Variants in AFF2 observed in about 807,000 individuals in gnomAD.
AFF2 encodes AF4/FMR2 family member 2.
A neutral mutation model predicts 76.9 loss-of-function variants in AFF2; 14 were observed. The ratio of observed to expected loss-of-function variants is 0.18; its 90% CI spans 0.12 to 0.28. The LOEUF is 0.28. Ranked by LOEUF, AFF2 falls within the 10% of genes least tolerant of loss-of-function variation. AFF2 has a pLI of 1.00. For missense variants in AFF2, 868 were observed against 1,001.1 expected (o/e 0.87, Z 1.79); for synonymous variants, 398 against 366.7 (o/e 1.09, Z -0.98).
intron 7 of AFF2, among the ~76,000 whole-genome samples, chrX:148,884,742 G>A (rs1022170920): frequency 5.3e-5 from 6 of 112,377 alleles, no homozygotes; most frequent in Non-Finnish European, 9.4e-5. Flanking sequence ...GAGATTCAGT[G>A]GAAAGCTGTG....
In AFF2 at chrX:148,783,244, A is replaced by G. The variant is rs781967108; in HGVS notation, c.1042-26632A>G. The stretch of plus-strand genomic sequence containing the variant: ...TACACAAAAACAAAACACTTTGCCA[A>G]TGTGAAGCCTGAGCCATTTTCTCAG... On this transcript the variant is annotated intron_variant, in intron 3 of 20. Coordinates refer to ENST00000370460, the MANE Select transcript of AFF2 (RefSeq NM_002025.4). Among the ~76,000 whole-genome samples the G allele has an allele frequency of 7.1e-5, 8 of 111,988 alleles. No homozygotes were observed. In the East Asian group the frequency reaches 1.1e-3, roughly 16 times the overall value.
Position 148,795,594 on chromosome X carries a change from A to G in AFF2, c.1042-14282A>G, listed in dbSNP as rs187035224. 8.0e-3 allele frequency among the ~76,000 whole-genome samples: 835 copies of G among 104,332 alleles called. 11 individuals carry two copies. Among genetic ancestry groups the G allele is most frequent in the African/African-American group, 0.028 (801 of 28,776 alleles). The allele number at this position is 104,332 out of a possible 115,157, so 90.6% of individuals were successfully genotyped here. ...AAGGCTGGCAGATCACGAGGTCAGG[A>G]GATCAAGACCATGCTGGCTAACACG... is the stretch of plus-strand genomic sequence containing the variant. On this transcript the variant is annotated intron_variant, in intron 3 of 20. Coordinates refer to ENST00000370460, the MANE Select transcript of AFF2 (RefSeq NM_002025.4).
At chrX:148,727,784 G>A (rs1174739143) in intron 3 of AFF2, among the ~76,000 whole-genome samples, 1 of 112,103 alleles carries the variant, frequency 8.9e-6, no homozygotes, top group East Asian at 2.8e-4. Flanking sequence ...GCTTCAGCAT[G>A]GAAATTGTAC....
intron 1 of AFF2, among the ~76,000 whole-genome samples, chrX:148,502,000 A>G (rs1043695470): frequency 1.8e-5 from 2 of 112,056 alleles, no homozygotes; most frequent in Non-Finnish European, 3.8e-5. Flanking sequence ...GGGACCTGGA[A>G]AGTTGTTAAC....
At chrX:148,869,935 T>C (rs782117601) in intron 7 of AFF2, among the ~76,000 whole-genome samples, 1 of 111,323 alleles carries the variant, frequency 9.0e-6, no homozygotes, top group Non-Finnish European at 1.9e-5. Flanking sequence ...GGATTAGGGA[T>C]CACCGTAAGG....
chrX:148,839,235 C>T (rs2093790838), intron 5 of AFF2, among the ~76,000 whole-genome samples: 1 of 112,328 alleles, frequency 8.9e-6, no homozygotes, highest in South Asian at 3.6e-4. Context: ...CTACCATCAA[C>T]CCCATGACAA....
chrX:148,518,088 C>G (rs782290984), intron 1 of AFF2, among the ~76,000 whole-genome samples: 23 of 111,340 alleles, frequency 2.1e-4, no homozygotes, highest in Non-Finnish European at 4.0e-4. Context: ...ATGGGGCATC[C>G]CAAGATGAAT....
At chrX:148,804,261 G>T (rs1485881401) in intron 3 of AFF2, among the ~76,000 whole-genome samples, 1 of 111,855 alleles carries the variant, frequency 8.9e-6, no homozygotes, top group Non-Finnish European at 1.9e-5. Context: ...AGTTCGAGTG[G>T]CTTGCCCAAG....
intron 3 of AFF2, among the ~76,000 whole-genome samples, chrX:148,693,776 G>A (rs1447508585): frequency 8.9e-6 from 1 of 111,989 alleles, no homozygotes; most frequent in Non-Finnish European, 1.9e-5. Context: ...GAAACAATCA[G>A]TCGTTTCAAT....
At chrX:148,890,496 A>T (rs1369496740) in intron 8 of AFF2, among the ~76,000 whole-genome samples, 1 of 112,204 alleles carries the variant, frequency 8.9e-6, no homozygotes, top group Non-Finnish European at 1.9e-5. Flanking sequence ...TGGCCTAGGT[A>T]TCCATAGGGA....
At position 148,610,065 on chromosome X, in the gene AFF2, G is replaced by A. The variant is rs2053711885; in HGVS notation, c.48-41934G>A. 2.7e-5 allele frequency among the ~76,000 whole-genome samples: 3 copies of A among 111,671 alleles called. No homozygotes were observed. In the Admixed American group the frequency reaches 2.8e-4, roughly 11 times the overall value. ...CACTTCCCTTATCTGTCAATGATGG[G>A]TGATAATAGTGCTTATCTCATAGGA... On this transcript the variant is annotated intron_variant, in intron 1 of 20. Coordinates refer to ENST00000370460, the MANE Select transcript of AFF2 (RefSeq NM_002025.4).
intron 9 of AFF2, among the ~76,000 whole-genome samples, chrX:148,952,786 G>T (rs985487469): frequency 8.9e-6 from 1 of 111,965 alleles, no homozygotes; most frequent in Admixed American, 9.4e-5. Flanking sequence ...ACAGCTGGTT[G>T]CTCTCTTATG....
chrX:148,711,395 C>A (rs1415443742), intron 3 of AFF2, among the ~76,000 whole-genome samples: 2 of 111,646 alleles, frequency 1.8e-5, no homozygotes, highest in Non-Finnish European at 3.8e-5. Context: ...GTGTGTGGGA[C>A]TAGTCTAGGT....
Position 148,576,818 on chromosome X carries a change from A to T in AFF2, c.48-75181A>T, listed in dbSNP as rs782372516. Among the ~76,000 whole-genome samples, 506 of 88,487 alleles carry T rather than the reference A, an allele frequency of 5.7e-3. 6 individuals are homozygous for T. The highest frequency in any genetic ancestry group is 0.021 in the African/African-American group (432 of 20,954). 76.8% of individuals were successfully genotyped at this position (88,487 alleles called of 115,157 possible). On this transcript the variant is annotated intron_variant, in intron 1 of 20. Coordinates refer to ENST00000370460, the MANE Select transcript of AFF2 (RefSeq NM_002025.4). ...ATGTGTGTGTGTGTGTGTGTGTGTGAGACAGAGAAAAACTAATCCTTGCTT... is the reference window on the plus strand; with the variant it reads ...ATGTGTGTGTGTGTGTGTGTGTGTGTGACAGAGAAAAACTAATCCTTGCTT...
rs2072595957 is a variant in AFF2, at chrX:148,996,104, T to A, written c.*4772T>A. 1 of 112,639 alleles carries A rather than the reference T, an allele frequency of 8.9e-6. No homozygotes were observed. Among genetic ancestry groups the A allele is most frequent in the Non-Finnish European group, 1.9e-5 (1 of 53,352 alleles). 9.3% of individuals were successfully genotyped at this position (112,639 alleles called of 1,213,427 possible). ...AAGTGTCTCTGAGAATAGAGCCCAATGTGGTGACAATGGGTAGTCAAATGC... is the reference window on the plus strand; with the variant it reads ...AAGTGTCTCTGAGAATAGAGCCCAAAGTGGTGACAATGGGTAGTCAAATGC... On this transcript the variant is annotated 3_prime_UTR_variant, in exon 21 of 21. Coordinates refer to ENST00000370460, the MANE Select transcript of AFF2 (RefSeq NM_002025.4).
intron 1 of AFF2, among the ~76,000 whole-genome samples, chrX:148,570,432 C>T (rs782785281): frequency 2.7e-5 from 3 of 112,000 alleles, no homozygotes; most frequent in East Asian, 5.7e-4. Flanking sequence ...AGTAGAAATA[C>T]GCATCTTCGT....
chrX:148,566,488 A>G (rs1557241663), intron 1 of AFF2, among the ~76,000 whole-genome samples: 1 of 111,392 alleles, frequency 9.0e-6, no homozygotes, highest in Non-Finnish European at 1.9e-5. Flanking sequence ...CTCAGACAAT[A>G]GTTCTCTATT....
At chrX:148,802,923 C>G (rs1557271057) in intron 3 of AFF2, among the ~76,000 whole-genome samples, 1 of 111,894 alleles carries the variant, frequency 8.9e-6, no homozygotes, top group African/African-American at 3.2e-5. Context: ...TTAGTTCAAT[C>G]TAGTTTGTAC....
intron 3 of AFF2, among the ~76,000 whole-genome samples, chrX:148,772,188 T>C (rs782354495): frequency 3.6e-5 from 4 of 112,435 alleles, no homozygotes; most frequent in African/African-American, 9.7e-5. Flanking sequence ...TGTACAGTTA[T>C]AGGTTAATGA....
Sources: gnomAD v4.1 joint callset for allele counts (sites outside exome capture counted in the v4.1 genomes callset) on GRCh38, gnomAD v4.1.1 for gene constraint, MANE v1.5 for transcripts, NCBI Gene and HGNC (gene_info 2026-07-23, HGNC 2026-07-21) for gene names.